The following DNAH8 variants were observed in gnomAD, a reference collection of about 807,000 sequenced individuals.
DNAH8 encodes the protein dynein axonemal heavy chain 8.
A neutral mutation model predicts 562.1 loss-of-function variants in DNAH8; 382 were observed. That is an observed-to-expected ratio of 0.68 (90% CI 0.63 to 0.74). The LOEUF (loss-of-function observed/expected upper bound fraction) is 0.74. DNAH8 is among the 30% of genes least tolerant of loss of function. The pLI, the probability that DNAH8 is intolerant of heterozygous loss-of-function variation, is 0.00. For synonymous variants in DNAH8, 1,881 were observed against 1,919.4 expected, an observed-to-expected ratio of 0.98 and a Z score of 0.52; for missense variants, 5,203 against 5,620.4, an observed-to-expected ratio of 0.93 and a Z score of 2.37.
At chr6:38,792,782 ACT>A (rs757543239) in intron 21 of DNAH8, among the ~76,000 whole-genome samples, 55 of 151,846 alleles carry the variant, frequency 3.6e-4, no homozygotes, top group Non-Finnish European at 6.9e-4. Context: ...TTTGAACTGA[ACT>A]CTTTCTTTTT....
chr6:38,783,366 T>C (rs1216977885), intron 17 of DNAH8, among the ~76,000 whole-genome samples: 1 of 152,206 alleles, frequency 6.6e-6, no homozygotes, highest in Non-Finnish European at 1.5e-5. Flanking sequence ...CTTAGGACTT[T>C]CTACCAAAAA....
chr6:38,776,237 A>G (rs1247293796), intron 13 of DNAH8, among the ~76,000 whole-genome samples: 4 of 139,126 alleles, frequency 2.9e-5, no homozygotes, highest in African/African-American at 1.1e-4. Flanking sequence ...TTTTTTTGTG[A>G]GATGGAGTCT....
In DNAH8 at chr6:38,875,577, T is replaced by C; in HGVS notation, c.7621-14T>C. 1 of 1,413,568 alleles carries C rather than the reference T, an allele frequency of 7.1e-7. No homozygotes were observed. Among genetic ancestry groups the C allele is most frequent in the South Asian group, 1.4e-5 (1 of 68,984 alleles). The allele number at this position is 1,413,568 out of a possible 1,614,324, so 87.6% of individuals were successfully genotyped here. A position where few individuals can be genotyped will look rare whatever the true frequency, so the allele number is the denominator to read the frequency against. Reference sequence around the variant, plus strand: ...TTTTAATTTAAAAATTTATTTTATTTGAAACATTTTCAGTCTCTCAATCTT... The same window carrying C: ...TTTTAATTTAAAAATTTATTTTATTCGAAACATTTTCAGTCTCTCAATCTT... On this transcript the variant is annotated splice_polypyrimidine_tract_variant and intron_variant, in intron 52 of 92. Transcript: ENST00000327475.
At chr6:38,965,506 A>G (rs1422571816) in intron 82 of DNAH8, among the ~76,000 whole-genome samples, 1 of 152,230 alleles carries the variant, frequency 6.6e-6, no homozygotes, top group Non-Finnish European at 1.5e-5. Context: ...GTGAACATAT[A>G]TTATTTAATT....
chr6:38,956,270 C>T (rs1200495471), intron 82 of DNAH8, among the ~76,000 whole-genome samples: 1 of 152,208 alleles, frequency 6.6e-6, no homozygotes, highest in Non-Finnish European at 1.5e-5. Context: ...TCTGGTCCCT[C>T]CTGCTGCAGT....
intron 89 of DNAH8, among the ~76,000 whole-genome samples, chr6:39,010,530 C>G (rs1297366601): frequency 6.6e-6 from 1 of 152,018 alleles, no homozygotes; most frequent in East Asian, 1.9e-4. Flanking sequence ...CTAAGCATGT[C>G]TCTATCTCAA....
chr6:38,783,938 A>G (rs540209635), intron 17 of DNAH8, among the ~76,000 whole-genome samples: 13 of 152,200 alleles, frequency 8.5e-5, no homozygotes, highest in Non-Finnish European at 1.8e-4. Context: ...AGGAAGCACA[A>G]GTTCTGCAGG....
At chr6:39,013,808 A>G (rs1007473308) in intron 91 of DNAH8, among the ~76,000 whole-genome samples, 1 of 151,998 alleles carries the variant, frequency 6.6e-6, no homozygotes, top group Non-Finnish European at 1.5e-5. Flanking sequence ...CCATAATTGC[A>G]CCACTGCACT....
At chr6:38,760,486 C>T (rs576391844) in intron 10 of DNAH8, among the ~76,000 whole-genome samples, 118 of 147,638 alleles carry the variant, frequency 8.0e-4, no homozygotes, top group African/African-American at 2.7e-3. Context: ...TTATCTTGTT[C>T]TACACTTGCT....
At chr6:38,977,105 C>T (rs556230733) in intron 85 of DNAH8, among the ~76,000 whole-genome samples, 32 of 152,328 alleles carry the variant, frequency 2.1e-4, no homozygotes, top group African/African-American at 7.2e-4. Context: ...GAGCACCTCT[C>T]CTTTTCTGGG....
At position 38,842,679 on chromosome 6, in the gene DNAH8, A is replaced by G. The variant is rs368084160; in HGVS notation, c.4621A>G (p.Lys1541Glu). ...TTCTGAAAGATGTCGTAAACTTCCA[A>G]AAGGACTTAAAGATTGGCAAGCTTT... ...EFQNRCRKLP[K>E]GLKDWQAFLD... Residue 1541 changes from lysine to glutamate, a missense_variant, in exon 35 of 93, where the codon AAA (lysine) becomes GAA (glutamate). Transcript: ENST00000327475. 22 of 1,611,898 alleles carry G rather than the reference A, an allele frequency of 1.4e-5. No individual in the cohort carries two copies. The highest frequency in any genetic ancestry group is 1.6e-4 in the Middle Eastern group (1 of 6,076).
At chr6:38,917,152 A>G in intron 68 of DNAH8, 87 bp from the exon 69 acceptor site, 1 of 949,686 alleles carries the variant, frequency 1.1e-6, no homozygotes, top group Non-Finnish European at 1.4e-6. Context: ...AAAGTTTTCT[A>G]TCTTAATTAT....
chr6:38,768,370 G>T (rs1341669034), intron 11 of DNAH8, among the ~76,000 whole-genome samples: 1 of 152,042 alleles, frequency 6.6e-6, no homozygotes, highest in Middle Eastern at 3.4e-3. Flanking sequence ...TGGGCTCAAG[G>T]GCTCCTCCTA....
chr6:38,894,657 G>GA (rs767352573), intron 58 of DNAH8, 44 bp from the exon 59 acceptor site: 5 of 1,482,152 alleles, frequency 3.4e-6, no homozygotes, highest in Non-Finnish European at 4.7e-6. Flanking sequence ...ACTTTTAGTT[G>GA]TATCTGAAAA....
At chr6:38,960,221 T>C (rs946205547) in intron 82 of DNAH8, among the ~76,000 whole-genome samples, 2 of 151,968 alleles carry the variant, frequency 1.3e-5, no homozygotes, top group African/African-American at 4.8e-5. Flanking sequence ...TATTTTTTTG[T>C]GTAAGACCTC....
At position 38,974,375 on chromosome 6, in the gene DNAH8, C is replaced by T; in HGVS notation, c.12680C>T (p.Thr4227Ile). The T allele has an allele frequency of 6.2e-7, 1 of 1,605,868 alleles. No individual in the cohort carries two copies. Among genetic ancestry groups the T allele is most frequent in the Non-Finnish European group, 8.5e-7 (1 of 1,176,784 alleles). The change falls in exon 85 of 93, where the codon ACC becomes ATC. Residue 4227 changes from threonine to isoleucine, a missense_variant and splice_region_variant. Thr to Ile is a moderately conservative substitution (Grantham distance 89). Around this residue, in one of 6 missense-constraint regions of DNAH8, gnomAD observed 1,399 missense variants for 1,518.4 expected, o/e 0.92. Transcript: ENST00000327475. ...AGCACTGTTTTCTTTTCATGACAGACCTCTCTCAAATTCACTAATGAGCCA... is the reference window on the plus strand; with the variant it reads ...AGCACTGTTTTCTTTTCATGACAGATCTCTCTCAAATTCACTAATGAGCCA... ...HDRFPITLLQ[T>I]SLKFTNEPPQ...
intron 62 of DNAH8, among the ~76,000 whole-genome samples, chr6:38,903,784 G>A (rs1780247642): frequency 6.6e-6 from 1 of 151,514 alleles, no homozygotes; most frequent in Non-Finnish European, 1.5e-5. Flanking sequence ...GCTCATTTTT[G>A]TATTTTTAGT....
At position 38,938,119 on chromosome 6, in the gene DNAH8, C is replaced by A. The variant is rs145061720; in HGVS notation, c.11709C>A (p.Thr3903=). ...AGGAGGAGTTCCGGCCCGCAGCCAC[C>A]CGCGGAAGCATCCTCTACTTCCTCA... ...AAQEEFRPAA[T]RGSILYFLIT... Residue 3903 remains threonine, a synonymous_variant, in exon 78 of 93, where the codon ACC becomes ACA. Coordinates refer to ENST00000327475, the MANE Select transcript of DNAH8 (RefSeq NM_001206927.2). The A allele has an allele frequency of 3.1e-6, 5 of 1,614,002 alleles. No individual in the cohort carries two copies. The African/African-American group carries it at 6.7e-5, about 22-fold the overall frequency.
At chr6:38,849,764 T>A (rs181365811) in intron 37 of DNAH8, among the ~76,000 whole-genome samples, 1 of 152,200 alleles carries the variant, frequency 6.6e-6, no homozygotes, top group East Asian at 1.9e-4. Context: ...AAATAGAAAA[T>A]TTTCACTTGC....
Sources: gnomAD v4.1 joint callset for allele counts (sites outside exome capture counted in the v4.1 genomes callset) on GRCh38, gnomAD v4.1.1 for gene constraint, gnomAD v4.1.1 regional missense constraint, MANE v1.5 for transcripts, NCBI Gene and HGNC (gene_info 2026-07-23, HGNC 2026-07-21) for gene names.